ARHGAP42: variants seen among roughly 807,000 people sequenced by gnomAD.
ARHGAP42 encodes rho GTPase-activating protein 42.
Under a neutral mutation model 125.0 loss-of-function variants are expected in ARHGAP42, and 63 were observed. That is an observed-to-expected ratio of 0.50 (90% CI 0.41 to 0.62). The LOEUF (loss-of-function observed/expected upper bound fraction) is 0.62, where lower values mean the gene tolerates loss of function less well. Ranked by LOEUF, ARHGAP42 falls within the 20% of genes least tolerant of loss-of-function variation. The pLI, the probability that ARHGAP42 is intolerant of heterozygous loss-of-function variation, is 0.00. For missense variants in ARHGAP42, 766 were observed against 1,024.2 expected (o/e 0.75, Z 3.44); for synonymous variants, 339 against 351.0 (o/e 0.97, Z 0.38).
intron 1 of ARHGAP42, among the ~76,000 whole-genome samples, chr11:100,763,770 G>A (rs1248248011): frequency 6.6e-5 from 10 of 152,022 alleles, no homozygotes; most frequent in East Asian, 1.9e-4. Flanking sequence ...GATTACAGGC[G>A]TGAGCCACCG....
chr11:100,770,736 C>T (rs1862955041), intron 2 of ARHGAP42, among the ~76,000 whole-genome samples: 1 of 152,134 alleles, frequency 6.6e-6, no homozygotes, highest in African/African-American at 2.4e-5. Context: ...TGCCACCATG[C>T]CCAGCTAATT....
rs1163726270 is a variant in ARHGAP42, at chr11:100,990,888, A to G, written c.*2087A>G. The G allele has an allele frequency of 4.6e-5, 7 of 152,342 alleles. No individual in the cohort carries two copies. Among genetic ancestry groups the G allele is most frequent in the Non-Finnish European group, 7.3e-5 (5 of 68,032 alleles). 9.4% of individuals were successfully genotyped at this position (152,342 alleles called of 1,614,324 possible). A position where few individuals can be genotyped will look rare whatever the true frequency, so the allele number is the denominator to read the frequency against. On this transcript the variant is annotated 3_prime_UTR_variant, in exon 24 of 24. Coordinates refer to ENST00000298815, the MANE Select transcript of ARHGAP42 (RefSeq NM_152432.4). ...AGAATCCTACTTCTCCTGCTGCTGCATAAAGAATCTCAACCTTCATTTTAT... is the reference window on the plus strand; with the variant it reads ...AGAATCCTACTTCTCCTGCTGCTGCGTAAAGAATCTCAACCTTCATTTTAT...
rs75386899 is a variant in ARHGAP42 at position 100,701,078 on chromosome 11, C to T, written c.154+13246C>T. Among the ~76,000 whole-genome samples the T allele has an allele frequency of 9.6e-3, 1,460 of 152,020 alleles. 21 individuals carry two copies. Among genetic ancestry groups the T allele is most frequent in the South Asian group, 0.038 (183 of 4,810 alleles). On this transcript the variant is annotated intron_variant, in intron 1 of 23. Coordinates refer to ENST00000298815, the MANE Select transcript of ARHGAP42 (RefSeq NM_152432.4). Reference sequence around the variant, plus strand: ...TGAAAACAATATTAATCTTTTTATACATCGCCATCATAGCTCTTGGGTAAC... The same window carrying T: ...TGAAAACAATATTAATCTTTTTATATATCGCCATCATAGCTCTTGGGTAAC...
intron 1 of ARHGAP42, among the ~76,000 whole-genome samples, chr11:100,698,711 T>C (rs1367053696): frequency 6.6e-6 from 1 of 152,184 alleles, no homozygotes; most frequent in Non-Finnish European, 1.5e-5. Context: ...AAAAAATTTA[T>C]TTTTCATTTT....
intron 4 of ARHGAP42, among the ~76,000 whole-genome samples, chr11:100,891,160 T>C (rs1866208623): frequency 6.6e-6 from 1 of 152,128 alleles, no homozygotes; most frequent in Non-Finnish European, 1.5e-5. Context: ...TTTGTCTGGG[T>C]TTCAAACATA....
At chr11:100,838,145 T>G (rs2135107057) in intron 3 of ARHGAP42, among the ~76,000 whole-genome samples, 1 of 151,988 alleles carries the variant, frequency 6.6e-6, no homozygotes, top group Middle Eastern at 3.4e-3. Flanking sequence ...TTTGTAGAAA[T>G]TTCCTCAATT....
rs535042935 is a variant in ARHGAP42, at chr11:100,808,852, A to G, written c.312+13686A>G. On this transcript the variant is annotated intron_variant, in intron 3 of 23. Coordinates refer to ENST00000298815, the MANE Select transcript of ARHGAP42 (RefSeq NM_152432.4). ...AGTAATTAAAAATAACAAATTATTC[A>G]TAAATGTTCCCTTTTTCCTGGAATC... Among the ~76,000 whole-genome samples, 4 of 152,354 alleles carry G rather than the reference A, an allele frequency of 2.6e-5. No individual in the cohort carries two copies. The East Asian group carries it at 5.8e-4, about 22-fold the overall frequency.
intron 4 of ARHGAP42, among the ~76,000 whole-genome samples, chr11:100,905,422 G>T (rs527698582): frequency 1.4e-4 from 22 of 152,184 alleles, no homozygotes; most frequent in African/African-American, 5.3e-4. Flanking sequence ...TGAATATTTA[G>T]CATCCTTACA....
chr11:100,817,392 G>T (rs1864292331), intron 3 of ARHGAP42, among the ~76,000 whole-genome samples: 1 of 152,114 alleles, frequency 6.6e-6, no homozygotes, highest in African/African-American at 2.4e-5. Flanking sequence ...CTTATAATTA[G>T]TTGGGGGTAC....
At chr11:100,896,373 G>A (rs1866365139) in intron 4 of ARHGAP42, among the ~76,000 whole-genome samples, 2 of 152,164 alleles carry the variant, frequency 1.3e-5, no homozygotes. Flanking sequence ...TGGGATGGCT[G>A]GGTCAAATGG....
intron 1 of ARHGAP42, among the ~76,000 whole-genome samples, chr11:100,766,261 A>T (rs1284261552): frequency 6.7e-6 from 1 of 149,768 alleles, no homozygotes; most frequent in Non-Finnish European, 1.5e-5. Context: ...GGGCATGTGA[A>T]GTATCTTTAC....
intron 3 of ARHGAP42, among the ~76,000 whole-genome samples, chr11:100,799,527 A>G (rs1416926545): frequency 1.3e-5 from 2 of 152,302 alleles, no homozygotes; most frequent in Non-Finnish European, 2.9e-5. Flanking sequence ...ATTGGGTAGT[A>G]TGTGCACTTG....
chr11:100,790,213 T>G (rs190031482), intron 2 of ARHGAP42, among the ~76,000 whole-genome samples: 4 of 152,200 alleles, frequency 2.6e-5, no homozygotes, highest in Non-Finnish European at 5.9e-5. Context: ...TTAGGAATGT[T>G]TCAGAATTTA....
At chr11:100,786,055 G>T (rs1863424616) in intron 2 of ARHGAP42, among the ~76,000 whole-genome samples, 1 of 152,152 alleles carries the variant, frequency 6.6e-6, no homozygotes, top group African/African-American at 2.4e-5. Flanking sequence ...CTCATATTAT[G>T]ATGTGGACAT....
At chr11:100,775,444 A>G (rs1863096569) in intron 2 of ARHGAP42, among the ~76,000 whole-genome samples, 1 of 152,220 alleles carries the variant, frequency 6.6e-6, no homozygotes, top group African/African-American at 2.4e-5. Flanking sequence ...AAATACAAAA[A>G]CAATACCCAT....
chr11:100,925,663 T>C (rs1385879907), intron 6 of ARHGAP42, among the ~76,000 whole-genome samples: 2 of 152,184 alleles, frequency 1.3e-5, no homozygotes, highest in African/African-American at 4.8e-5. Context: ...ACTTGAACCC[T>C]GGAGGCAGAG....
chr11:100,970,079 C>G, intron 17 of ARHGAP42, among the ~76,000 whole-genome samples: 1 of 152,000 alleles, frequency 6.6e-6, no homozygotes, highest in Non-Finnish European at 1.5e-5. Flanking sequence ...ACCTCTGCCT[C>G]TCGGGTTCAA....
At chr11:100,971,258 TTC>T (rs1858237462) in intron 17 of ARHGAP42, among the ~76,000 whole-genome samples, 1 of 152,180 alleles carries the variant, frequency 6.6e-6, no homozygotes, top group African/African-American at 2.4e-5. Flanking sequence ...TTATGATTTT[TTC>T]TCTGTTTATT....
chr11:100,786,455 C>T (rs777690067), intron 2 of ARHGAP42, among the ~76,000 whole-genome samples: 8 of 152,076 alleles, frequency 5.3e-5, no homozygotes, highest in Non-Finnish European at 1.0e-4. Flanking sequence ...GAAATGTTGT[C>T]CTTTTTGCAT....
Sources: gnomAD v4.1 joint callset for allele counts (sites outside exome capture counted in the v4.1 genomes callset) on GRCh38, gnomAD v4.1.1 for gene constraint, MANE v1.5 for transcripts, NCBI Gene and HGNC (gene_info 2026-07-23, HGNC 2026-07-21) for gene names.